Variants in DGKH observed in about 807,000 individuals in gnomAD.
DGKH encodes the protein diacylglycerol kinase eta.
DGKH carries 90 observed loss-of-function variants against 159.3 expected under a neutral mutation model. The observed-to-expected ratio is 0.57, with a 90% CI of 0.48 to 0.67. The LOEUF is 0.67. Among genes scored for constraint, DGKH ranks in the 30% least tolerant of loss-of-function variants. The pLI is 0.00. For synonymous variants in DGKH, 536 were observed against 553.8 expected (o/e 0.97, Z 0.45); for missense variants, 1,181 against 1,506.1 (o/e 0.78, Z 3.57).
intron 1 of DGKH, among the ~76,000 whole-genome samples, chr13:42,081,823 G>A (rs532808327): frequency 1.1e-4 from 17 of 152,132 alleles, no homozygotes; most frequent in Admixed American, 4.6e-4. Context: ...CTTCCTTTCC[G>A]TGAAGAATAG....
At chr13:42,175,822 C>T (rs1956588163) in intron 12 of DGKH, among the ~76,000 whole-genome samples, 1 of 152,158 alleles carries the variant, frequency 6.6e-6, no homozygotes, top group Non-Finnish European at 1.5e-5. Context: ...TGTGTGTGGC[C>T]TTTTTACCTT....
rs1397117455 is a variant in DGKH, at chr13:42,048,738, C to T, written c.-36C>T. On this transcript the variant is annotated 5_prime_UTR_variant, in exon 1 of 30. Coordinates refer to ENST00000337343, the MANE Select transcript of DGKH (RefSeq NM_178009.5). The surrounding 1 kb of genome is among the most constrained non-coding windows in gnomAD (Gnocchi z 6.7). ...CCGCTGACCAACGCCGCCGCCCCCG[C>T]CGGGCGGTGCTGTGTCCCCGCAGGA... 4 of 1,246,286 alleles carry T rather than the reference C, an allele frequency of 3.2e-6. No individual in the cohort carries two copies. Among genetic ancestry groups the T allele is most frequent in the Non-Finnish European group, 3.0e-6 (3 of 988,744 alleles). 77.2% of individuals were successfully genotyped at this position (1,246,286 alleles called of 1,614,324 possible). A position where few individuals can be genotyped will look rare whatever the true frequency, so the allele number is the denominator to read the frequency against.
chr13:42,170,760 C>T (rs7332778), intron 11 of DGKH, among the ~76,000 whole-genome samples: 105 of 152,026 alleles, frequency 6.9e-4, no homozygotes, highest in African/African-American at 2.3e-3. Flanking sequence ...CTGGCCAACA[C>T]GGTGAAACCC....
chr13:42,078,909 C>CTTTTTTTTTTTTTT (rs55801562), intron 1 of DGKH, among the ~76,000 whole-genome samples: 4 of 93,570 alleles, frequency 4.3e-5, no homozygotes, highest in African/African-American at 1.5e-4. Flanking sequence ...GTATATTCTC[C>CTTTTTTTTTTTTTT]TTTTTTTTTT....
At chr13:42,067,002 A>G (rs903588606) in intron 1 of DGKH, among the ~76,000 whole-genome samples, 1 of 152,200 alleles carries the variant, frequency 6.6e-6, no homozygotes, top group African/African-American at 2.4e-5. Flanking sequence ...TATATATGTC[A>G]TATATATTGT....
At chr13:42,112,146 TAAAAAC>T (rs1954873913) in intron 1 of DGKH, among the ~76,000 whole-genome samples, 2 of 152,326 alleles carry the variant, frequency 1.3e-5, no homozygotes, top group African/African-American at 4.8e-5. Context: ...CTAGTGAAAT[TAAAAAC>T]AAAAACAAAA....
chr13:42,247,082 T>C (rs950570837), downstream of DGKH, among the ~76,000 whole-genome samples: 9 of 152,184 alleles, frequency 5.9e-5, no homozygotes, highest in African/African-American at 1.2e-4. Flanking sequence ...ATTACTCTCA[T>C]GTTTGTGGTG....
In DGKH at chr13:42,238,518, G is replaced by T. The variant is rs1182878113; in HGVS notation, c.*9330G>T. On this transcript the variant is annotated 3_prime_UTR_variant, in exon 30 of 30. Coordinates refer to ENST00000337343, the MANE Select transcript of DGKH (RefSeq NM_178009.5). The stretch of plus-strand genomic sequence containing the variant: ...GTTAAGTCCTTCATATCTTTTCTTA[G>T]TTTAACTCCCCAAAGAGGAAAATGT... 6.6e-6 allele frequency: 1 copy of T among 152,048 alleles called. No homozygotes were observed. The highest frequency in any genetic ancestry group is 1.5e-5 in the Non-Finnish European group (1 of 67,980). 9.4% of individuals were successfully genotyped at this position (152,048 alleles called of 1,614,324 possible). A position where few individuals can be genotyped will look rare whatever the true frequency, so the allele number is the denominator to read the frequency against.
At chr13:42,218,751 C>T (rs374968548) in intron 26 of DGKH, among the ~76,000 whole-genome samples, 78 of 152,190 alleles carry the variant, frequency 5.1e-4, no homozygotes, top group African/African-American at 1.8e-3. Context: ...TCAAATGATC[C>T]GCCCACATTG....
At chr13:42,191,439 C>T (rs1378681746) in intron 16 of DGKH, among the ~76,000 whole-genome samples, 6 of 152,088 alleles carry the variant, frequency 3.9e-5, no homozygotes, top group Non-Finnish European at 7.4e-5. Flanking sequence ...CCCAAACCTC[C>T]GCATCACTCA....
chr13:42,248,315 G>A (rs1013807189), intron 29 of DGKH, among the ~76,000 whole-genome samples: 8 of 151,796 alleles, frequency 5.3e-5, no homozygotes, highest in African/African-American at 1.9e-4. Context: ...CCAGCTACTC[G>A]GGAGGCTGAG....
intron 27 of DGKH, among the ~76,000 whole-genome samples, 155 bp downstream of exon 27, chr13:42,219,504 G>C (rs1957910201): frequency 6.6e-6 from 1 of 152,196 alleles, no homozygotes; most frequent in African/African-American, 2.4e-5. Context: ...GCATTTATGT[G>C]AACGCATTTT....
At position 42,234,288 on chromosome 13, in the gene DGKH, A is replaced by G. The variant is rs1170888400; in HGVS notation, c.*5100A>G. On this transcript the variant is annotated 3_prime_UTR_variant, in exon 30 of 30. Coordinates refer to ENST00000337343, the MANE Select transcript of DGKH (RefSeq NM_178009.5). ...TAAAGAGGACAATATTTTTGTCTTC[A>G]TGGAACTTATTTTTAACAGGAATCA... The G allele has an allele frequency of 6.6e-6, 1 of 152,198 alleles. No homozygotes were observed. Among genetic ancestry groups the G allele is most frequent in the Non-Finnish European group, 1.5e-5 (1 of 68,030 alleles). 9.4% of individuals were successfully genotyped at this position (152,198 alleles called of 1,614,324 possible). A position where few individuals can be genotyped will look rare whatever the true frequency, so the allele number is the denominator to read the frequency against.
chr13:42,114,859 T>A (rs1040588469), intron 1 of DGKH, among the ~76,000 whole-genome samples: 1 of 152,246 alleles, frequency 6.6e-6, no homozygotes, highest in Non-Finnish European at 1.5e-5. Context: ...TCTCTTTATG[T>A]ACTTTGTATC....
chr13:42,128,697 A>G (rs1321489748), intron 2 of DGKH, among the ~76,000 whole-genome samples: 1 of 152,104 alleles, frequency 6.6e-6, no homozygotes, highest in African/African-American at 2.4e-5. Context: ...ATAGCATTTC[A>G]TTGTATTTCT....
At chr13:42,114,534 G>C (rs146782992) in intron 1 of DGKH, among the ~76,000 whole-genome samples, 120 of 152,328 alleles carry the variant, frequency 7.9e-4, no homozygotes, top group African/African-American at 2.8e-3. Flanking sequence ...TACTCAGGGA[G>C]ACAGACATAT....
rs376602386 is a variant in DGKH, at chr13:42,094,561, ATCT to A, written c.193-32899_193-32897del. 1.4e-3 allele frequency among the ~76,000 whole-genome samples: 214 copies of A among 152,330 alleles called. 1 individual carries two copies. The highest frequency in any genetic ancestry group is 4.9e-3 in the African/African-American group (202 of 41,570). On this transcript the variant is annotated intron_variant, in intron 1 of 29. Transcript: ENST00000337343. ...ATGTTTCACAAAGAGTTTACATTTT[ATCT>A]TCCTATTTCTCACAGGCCTAGGTCT...
chr13:42,175,389 C>A (rs546227686), intron 12 of DGKH, among the ~76,000 whole-genome samples: 1 of 151,874 alleles, frequency 6.6e-6, no homozygotes, highest in Non-Finnish European at 1.5e-5. Context: ...ATATATTTAC[C>A]ATTTTATTTT....
At chr13:42,173,011 G>A (rs1007271305) in intron 11 of DGKH, among the ~76,000 whole-genome samples, 6 of 139,804 alleles carry the variant, frequency 4.3e-5, no homozygotes, top group African/African-American at 8.1e-5. Flanking sequence ...TGGCTCTGTC[G>A]CCCAGGCTGG....
Sources: gnomAD v4.1 joint callset for allele counts (sites outside exome capture counted in the v4.1 genomes callset) on GRCh38, gnomAD v4.1.1 for gene constraint, Gnocchi (gnomAD v3.1) non-coding constraint, MANE v1.5 for transcripts, NCBI Gene and HGNC (gene_info 2026-07-23, HGNC 2026-07-21) for gene names.